Variants in DNAAF9 observed in about 807,000 individuals in gnomAD.
DNAAF9 encodes the protein shulin.
DNAAF9 carries 90 observed loss-of-function variants against 167.0 expected under a neutral mutation model. The observed-to-expected ratio is 0.54, with a 90% CI of 0.45 to 0.64. The LOEUF (loss-of-function observed/expected upper bound fraction) is 0.64, where lower values mean the gene tolerates loss of function less well. DNAAF9 is among the 30% of genes least tolerant of loss of function. The pLI, the probability that DNAAF9 is intolerant of heterozygous loss-of-function variation, is 0.00. For synonymous variants in DNAAF9, 491 were observed against 508.8 expected (o/e 0.96, Z 0.47); for missense variants, 1,315 against 1,442.2 (o/e 0.91, Z 1.43).
In DNAAF9 at chr20:3,394,949, C is replaced by CTTT. The variant is rs10522445; in HGVS notation, c.84-12446_84-12444dup. On this transcript the variant is annotated intron_variant, in intron 1 of 36. Coordinates refer to ENST00000252032, the MANE Select transcript of DNAAF9 (RefSeq NM_001009984.3). ...GCTTTTACTGAACATTTTCTTTTTT[C>CTTT]TTTTTTTTTTTTTTTTTTTTTTTTT... Among the ~76,000 whole-genome samples, 124 of 102,082 alleles carry CTTT rather than the reference C, an allele frequency of 1.2e-3. 16 individuals carry two copies. Among genetic ancestry groups the CTTT allele is most frequent in the Non-Finnish European group, 1.4e-3 (73 of 52,738 alleles). 67.0% of individuals were successfully genotyped at this position (102,082 alleles called of 152,430 possible). A position where few individuals can be genotyped will look rare whatever the true frequency, so the allele number is the denominator to read the frequency against.
intron 21 of DNAAF9, among the ~76,000 whole-genome samples, chr20:3,301,178 C>CTTT (rs11469332): frequency 8.0e-6 from 1 of 125,154 alleles, no homozygotes; most frequent in African/African-American, 3.0e-5. Flanking sequence ...TCATGCTTGG[C>CTTT]TTTTTTTTTT....
intron 10 of DNAAF9, among the ~76,000 whole-genome samples, chr20:3,332,692 G>T (rs1031792208): frequency 6.6e-6 from 1 of 151,116 alleles, no homozygotes; most frequent in Non-Finnish European, 1.5e-5. Context: ...TCAAACTCCC[G>T]ACCTCAGGTT....
chr20:3,337,207 T>C (rs995904438), intron 10 of DNAAF9, among the ~76,000 whole-genome samples: 3 of 151,822 alleles, frequency 2.0e-5, no homozygotes, highest in South Asian at 2.1e-4. Flanking sequence ...ACATCTTCTA[T>C]TTCGTTGTTG....
intron 1 of DNAAF9, among the ~76,000 whole-genome samples, chr20:3,388,130 G>A (rs1006222880): frequency 2.0e-5 from 3 of 150,888 alleles, no homozygotes; most frequent in African/African-American, 7.3e-5. Flanking sequence ...TATGCAAATG[G>A]CCAAGCACAT....
At chr20:3,352,846 T>TTATATA (rs11471503) in intron 7 of DNAAF9, among the ~76,000 whole-genome samples, 1,516 of 146,708 alleles carry the variant, frequency 0.01, 11 homozygotes, top group African/African-American at 0.02. Context: ...TTCAAAATAT[T>TTATATA]TATATATATA....
intron 6 of DNAAF9, among the ~76,000 whole-genome samples, 178 bp downstream of exon 6, chr20:3,373,870 A>G (rs896321197): frequency 1.3e-5 from 2 of 152,212 alleles, no homozygotes; most frequent in Non-Finnish European, 2.9e-5. Context: ...ACAGGACCTC[A>G]GTCTGGGACT....
chr20:3,276,909 A>T (rs2068683822), intron 29 of DNAAF9, among the ~76,000 whole-genome samples: 1 of 152,130 alleles, frequency 6.6e-6, no homozygotes, highest in South Asian at 2.1e-4. Context: ...GCTCTTCTCA[A>T]GGACACTGCT....
chr20:3,282,395 C>G (rs2068778509), intron 27 of DNAAF9, among the ~76,000 whole-genome samples: 1 of 152,166 alleles, frequency 6.6e-6, no homozygotes. Context: ...ACTGCTTACA[C>G]CCCCAAGCTC....
intron 14 of DNAAF9, among the ~76,000 whole-genome samples, chr20:3,323,732 G>A (rs74990087): frequency 0.034 from 5,198 of 152,300 alleles, 138 homozygotes; most frequent in African/African-American, 0.071. Flanking sequence ...GGGACTGAGA[G>A]GGGGCCTGCT....
intron 34 of DNAAF9, 149 bp from the exon 35 acceptor site, chr20:3,255,433 C>T (rs2068261686): frequency 1.7e-6 from 1 of 595,048 alleles, no homozygotes; most frequent in Admixed American, 2.7e-5. Context: ...TCTGTCTAGT[C>T]TGCTCTTTGA....
At chr20:3,291,794 C>A (rs1370376214) in intron 25 of DNAAF9, among the ~76,000 whole-genome samples, 1 of 152,050 alleles carries the variant, frequency 6.6e-6, no homozygotes. Context: ...TTTGTAGGAC[C>A]CAGAAGCTGT....
intron 3 of DNAAF9, among the ~76,000 whole-genome samples, chr20:3,379,987 T>G (rs1040377004): frequency 6.6e-6 from 1 of 152,072 alleles, no homozygotes; most frequent in Non-Finnish European, 1.5e-5. Flanking sequence ...ACCCAGGAGG[T>G]GGAGGATGCA....
chr20:3,359,650 G>T, intron 6 of DNAAF9, 57 bp from the exon 7 acceptor site: 3 of 1,229,944 alleles, frequency 2.4e-6, no homozygotes, highest in Non-Finnish European at 3.5e-6. Flanking sequence ...AGGACAATCA[G>T]AATTATTTTC....
intron 23 of DNAAF9, chr20:3,295,700 A>AT (rs201739722): frequency 0.022 from 13,045 of 584,698 alleles, 211 homozygotes; most frequent in African/African-American, 0.056. Flanking sequence ...ATGGGCCTGC[A>AT]ACCGTCCCCT....
At chr20:3,261,201 C>A (rs1862683304) in intron 31 of DNAAF9, among the ~76,000 whole-genome samples, 1 of 151,222 alleles carries the variant, frequency 6.6e-6, no homozygotes, top group Admixed American at 6.6e-5. Flanking sequence ...CCATGCCCAA[C>A]TACTTTTGAT....
Position 3,330,656 on chromosome 20 carries a change from T to G in DNAAF9, c.1090A>C (p.Thr364Pro), listed in dbSNP as rs769283548. Residue 364 changes from threonine to proline, a missense_variant, in exon 12 of 37, where the codon ACT becomes CCT. Physicochemically the swap from Thr to Pro is conservative, Grantham distance 38. This residue lies in a region of DNAAF9 where 981 missense variants were observed against 1,012.5 expected (regional missense o/e 0.97). Transcript: ENST00000252032. ...AATATGAAGACTTACATTTGTTCAG[T>G]TTTCTTGGGCAGCTTGCTGTCACCA... ...LGGDSKLPKK[T>P]EQIRLLSQIY... 4.3e-5 allele frequency: 69 copies of G among 1,599,360 alleles called. No individual in the cohort carries two copies. Among genetic ancestry groups the G allele is most frequent in the Non-Finnish European group, 5.4e-5 (63 of 1,168,264 alleles).
At chr20:3,316,849 C>A in intron 17 of DNAAF9, 56 bp from the exon 18 acceptor site, 1 of 1,258,158 alleles carries the variant, frequency 7.9e-7, no homozygotes. Flanking sequence ...GCCTGCCTTG[C>A]AGGCCCCAGA....
chr20:3,361,939 T>C (rs1292025985), intron 6 of DNAAF9: 2 of 1,525,238 alleles, frequency 1.3e-6, no homozygotes, highest in Non-Finnish European at 1.8e-6. Flanking sequence ...TCTTTAGACA[T>C]CATTAGGCGC....
intron 7 of DNAAF9, among the ~76,000 whole-genome samples, chr20:3,353,145 A>G (rs923297860): frequency 1.3e-5 from 2 of 150,452 alleles, no homozygotes; most frequent in African/African-American, 4.9e-5. Context: ...GTGTATATAT[A>G]TGTAAATAAA....
Sources: allele counts gnomAD v4.1 joint callset (sites outside exome capture counted in the v4.1 genomes callset), GRCh38; gene constraint gnomAD v4.1.1; regional missense constraint gnomAD v4.1.1; transcripts MANE v1.5; gene names NCBI Gene and HGNC (gene_info 2026-07-23, HGNC 2026-07-21).